ZNF578: variants seen among roughly 807,000 people sequenced by gnomAD.
ZNF578 encodes Putative chemokine-related protein B42.
A neutral mutation model predicts 8.3 loss-of-function variants in ZNF578; 8 were observed. The ratio of observed to expected loss-of-function variants is 0.96; its 90% CI spans 0.56 to 1.74. The LOEUF (loss-of-function observed/expected upper bound fraction) is 1.74. ZNF578 is among the 40% of genes most tolerant of loss of function. ZNF578 has a pLI of 0.00. For synonymous variants in ZNF578, 206 were observed against 232.2 expected, an observed-to-expected ratio of 0.89 and a Z score of 1.03; for missense variants, 726 against 707.5, an observed-to-expected ratio of 1.03 and a Z score of -0.30.
Position 52,504,789 on chromosome 19 carries a change from A to T in ZNF578, c.190+8A>T. 3 of 1,614,056 alleles carry T rather than the reference A, an allele frequency of 1.9e-6. No homozygotes were observed. Among genetic ancestry groups the T allele is most frequent in the Non-Finnish European group, 2.5e-6 (3 of 1,179,994 alleles). Reference sequence around the variant, plus strand: ...GGAACCTGGAGGCTGTGGGTGAGGAAAATGTCCCTGCAGACATGAGGAGTC... The same window carrying T: ...GGAACCTGGAGGCTGTGGGTGAGGATAATGTCCCTGCAGACATGAGGAGTC... On this transcript the variant is annotated splice_region_variant and intron_variant, in intron 5 of 5. Transcript: ENST00000421239.
At position 52,511,997 on chromosome 19, in the gene ZNF578, A is replaced by G; in HGVS notation, c.1616A>G (p.Tyr539Cys). 1 of 1,614,144 alleles carries G rather than the reference A, an allele frequency of 6.2e-7. No individual in the cohort carries two copies. The highest frequency in any genetic ancestry group is 1.3e-5 in the African/African-American group (1 of 75,052). The change falls in exon 6 of 6, where the codon TAC becomes TGC. Residue 539 changes from tyrosine (Y) to cysteine (C), a missense_variant. By Grantham distance (194) the Tyr-to-Cys change is radical (BLOSUM62 -2). Coordinates refer to ENST00000421239, the MANE Select transcript of ZNF578 (RefSeq NM_001099694.2). ...AGACTTCATACTGGAGAGAAACCTT[A>G]CAAATGTAAGGTTTGTGACAAGGCT... ...HHRLHTGEKP[Y>C]KCKVCDKAFM... is the part of the protein sequence containing the mutation.
intron 5 of ZNF578, among the ~76,000 whole-genome samples, chr19:52,508,378 AAG>A (rs774833101): frequency 6.6e-6 from 1 of 151,960 alleles, no homozygotes; most frequent in Non-Finnish European, 1.5e-5. Flanking sequence ...GAGAAAGTGA[AAG>A]AGAGAAAAAG....
At chr19:52,501,179 T>C (rs1291608566) in intron 3 of ZNF578, among the ~76,000 whole-genome samples, 1 of 152,142 alleles carries the variant, frequency 6.6e-6, no homozygotes, top group African/African-American at 2.4e-5. Context: ...GTCTGGCCTC[T>C]TTGTGATTAT....
chr19:52,466,977 C>T (rs1316448598), intron 2 of ZNF578, among the ~76,000 whole-genome samples: 2 of 151,470 alleles, frequency 1.3e-5, no homozygotes, highest in Non-Finnish European at 1.5e-5. Context: ...TCCTTGAACT[C>T]ATTTCACGTT....
rs1381134044 is a variant in ZNF578, at chr19:52,499,345, G to A, written c.-19-2482G>A. On this transcript the variant is annotated intron_variant, in intron 3 of 5. Coordinates refer to ENST00000421239, the MANE Select transcript of ZNF578 (RefSeq NM_001099694.2). ...TCACCTTGAAGGTTATCATCTCACA[G>A]CTTTCACCCACCTACACGACTCCAT... Among the ~76,000 whole-genome samples, 3 of 152,018 alleles carry A rather than the reference G, an allele frequency of 2.0e-5. No homozygotes were observed. The East Asian group carries it at 5.8e-4, about 29-fold the overall frequency.
chr19:52,472,014 T>C (rs2059293315), intron 2 of ZNF578, among the ~76,000 whole-genome samples: 1 of 152,216 alleles, frequency 6.6e-6, no homozygotes, highest in Admixed American at 6.5e-5. Context: ...TTTTTCATAT[T>C]ACTATATTGG....
intron 2 of ZNF578, among the ~76,000 whole-genome samples, chr19:52,477,104 G>A (rs2059310499): frequency 6.6e-6 from 1 of 152,156 alleles, no homozygotes; most frequent in Non-Finnish European, 1.5e-5. Flanking sequence ...CTACTCCAGG[G>A]ACTACAGTGA....
chr19:52,507,030 AT>A (rs1183877150), intron 5 of ZNF578, among the ~76,000 whole-genome samples: 2 of 152,158 alleles, frequency 1.3e-5, no homozygotes, highest in African/African-American at 4.8e-5. Context: ...AGGTGGGTAG[AT>A]GGCTTGAGGT....
rs1187045005 is a variant in ZNF578, at chr19:52,459,713, A to ATGTGTGTATATGTGTGTG, written c.-122+2762_-122+2763insATATGTGTGTGTGTGTGT. Among the ~76,000 whole-genome samples the ATGTGTGTATATGTGTGTG allele has an allele frequency of 2.4e-3, 43 of 18,240 alleles. 2 individuals carry two copies. Among genetic ancestry groups the ATGTGTGTATATGTGTGTG allele is most frequent in the African/African-American group, 5.1e-3 (36 of 7,036 alleles). 12.0% of individuals were successfully genotyped at this position (18,240 alleles called of 152,430 possible). Reference sequence around the variant, plus strand: ...TGGGTATGAGTGTGTATATGTAGATATGTGTGTGTGTGTGTGTGTGTGTGT... The same window carrying ATGTGTGTATATGTGTGTG: ...TGGGTATGAGTGTGTATATGTAGATATGTGTGTATATGTGTGTGTGTGTGTGTGTGTGTGTGTGTGTGT... On this transcript the variant is annotated intron_variant, in intron 2 of 5. Transcript: ENST00000421239.
chr19:52,459,460 T>C (rs2059249249), intron 2 of ZNF578, among the ~76,000 whole-genome samples: 1 of 151,982 alleles, frequency 6.6e-6, no homozygotes, highest in African/African-American at 2.4e-5. Context: ...TAATATTCCA[T>C]TGCATGTGTA....
At chr19:52,474,222 A>C (rs2059301052) in intron 2 of ZNF578, 1 of 308,250 alleles carries the variant, frequency 3.2e-6, no homozygotes, top group Admixed American at 4.2e-5. Context: ...GCTTTGCCAC[A>C]TTCAATATAT....
At chr19:52,473,382 C>A in intron 2 of ZNF578, 1 of 175,558 alleles carries the variant, frequency 5.7e-6, no homozygotes. Flanking sequence ...AAGACCTTAC[C>A]ACACTCATTA....
At chr19:52,484,196 A>G (rs58067500) in intron 2 of ZNF578, among the ~76,000 whole-genome samples, 14,402 of 152,230 alleles carry the variant, frequency 0.095, 1,097 homozygotes, top group African/African-American at 0.21. Flanking sequence ...TCAATGCCTT[A>G]AAGAGCAGTA....
intron 2 of ZNF578, among the ~76,000 whole-genome samples, chr19:52,479,620 C>T (rs2059319254): frequency 6.6e-6 from 1 of 151,456 alleles, no homozygotes; most frequent in Admixed American, 6.6e-5. Context: ...ATAGAGATTC[C>T]ATTATGGTTT....
chr19:52,481,346 C>G (rs937622966), intron 2 of ZNF578, among the ~76,000 whole-genome samples: 1 of 152,102 alleles, frequency 6.6e-6, no homozygotes, highest in African/African-American at 2.4e-5. Context: ...AGAAGGAACG[C>G]GGGAATTAAA....
In ZNF578 at chr19:52,486,435, C is replaced by G. The variant is rs115009856; in HGVS notation, c.-121-4889C>G. On this transcript the variant is annotated intron_variant, in intron 2 of 5. Transcript: ENST00000421239. Reference sequence around the variant, plus strand: ...TCTATACTTTGTCTCTTTCTTTTGTCAAGAGATGGCAAAAGTGAAAAACAA... The same window carrying G: ...TCTATACTTTGTCTCTTTCTTTTGTGAAGAGATGGCAAAAGTGAAAAACAA... 4.4e-3 allele frequency among the ~76,000 whole-genome samples: 675 copies of G among 152,026 alleles called. 5 individuals are homozygous for G. The highest frequency in any genetic ancestry group is 0.015 in the African/African-American group (639 of 41,468).
At chr19:52,495,011 T>TC (rs1293217304) in intron 3 of ZNF578, among the ~76,000 whole-genome samples, 2 of 150,314 alleles carry the variant, frequency 1.3e-5, no homozygotes, top group African/African-American at 2.4e-5. Context: ...GTTTTTTTTT[T>TC]CTTTGTTTGT....
intron 3 of ZNF578, among the ~76,000 whole-genome samples, chr19:52,494,315 G>A (rs1025411025): frequency 2.0e-5 from 3 of 151,588 alleles, no homozygotes; most frequent in East Asian, 1.9e-4. Flanking sequence ...AGTGAGACCC[G>A]CCATCGCTGT....
intron 3 of ZNF578, among the ~76,000 whole-genome samples, chr19:52,494,499 A>C (rs565002868): frequency 6.6e-6 from 1 of 152,234 alleles, no homozygotes; most frequent in Non-Finnish European, 1.5e-5. Flanking sequence ...CCTGTCTTAA[A>C]AGAAAAAAAG....
Sources: allele counts gnomAD v4.1 joint callset (sites outside exome capture counted in the v4.1 genomes callset), GRCh38; gene constraint gnomAD v4.1.1; transcripts MANE v1.5; gene names NCBI Gene and HGNC (gene_info 2026-07-23, HGNC 2026-07-21).